The following SPI1 variants were observed in gnomAD, a reference collection of about 807,000 sequenced individuals.
SPI1 encodes Spi-1 proto-oncogene.
SPI1 carries 3 observed loss-of-function variants against 30.7 expected under a neutral mutation model. That is an observed-to-expected ratio of 0.10 (90% CI 0.04 to 0.25). The LOEUF (loss-of-function observed/expected upper bound fraction) is 0.25, where lower values mean the gene tolerates loss of function less well. Among genes scored for constraint, SPI1 ranks in the 10% least tolerant of loss-of-function variants. The pLI is 1.00. For missense variants in SPI1, 261 were observed against 371.5 expected (o/e 0.70, Z 2.45); for synonymous variants, 169 against 157.1 (o/e 1.08, Z -0.56).
chr11:47,376,983 G>A (rs1268521405), intron 1 of SPI1, among the ~76,000 whole-genome samples: 2 of 152,200 alleles, frequency 1.3e-5, no homozygotes, highest in Non-Finnish European at 2.9e-5. Flanking sequence ...GTGGGCCTGT[G>A]GCTTTCTTGA....
In SPI1 at chr11:47,359,200, C is replaced by A. The variant is rs576908238; in HGVS notation, c.331-194G>T. On this transcript the variant is annotated intron_variant, in intron 3 of 4. Transcript: ENST00000378538. This position sits in a 1 kb window ranked among gnomAD's most constrained non-coding sequence, Gnocchi z 5.1. ...TGCACATAGGGTGCAGGCTGTGGGG[C>A]GAGGGGTGCTGACATCCAGCCCACC... Among the ~76,000 whole-genome samples, 1 of 152,004 alleles carries A rather than the reference C, an allele frequency of 6.6e-6. No homozygotes were observed. Among genetic ancestry groups the A allele is most frequent in the African/African-American group, 2.4e-5 (1 of 41,372 alleles).
At chr11:47,358,475 C>T in intron 4 of SPI1, 2 of 648,486 alleles carry the variant, frequency 3.1e-6, no homozygotes, top group Non-Finnish European at 5.7e-6. Flanking sequence ...CTCAGCCACA[C>T]CAGCTCTCAC....
Position 47,359,020 on chromosome 11 carries a change from GA to G in SPI1, c.331-15del. On this transcript the variant is annotated splice_polypyrimidine_tract_variant and intron_variant, in intron 3 of 4. Transcript: ENST00000378538. The surrounding 1 kb of genome is among the most constrained non-coding windows in gnomAD (Gnocchi z 5.1). Reference sequence around the variant, plus strand: ...CAGGTAGGAGACCTGGACGGTGGGGGAAGGAGATCAGAGTCAGGAAGGGCCA... The same window carrying G: ...CAGGTAGGAGACCTGGACGGTGGGGGAGGAGATCAGAGTCAGGAAGGGCCA... 1 of 1,520,050 alleles carries G rather than the reference GA, an allele frequency of 6.6e-7. No individual in the cohort carries two copies. The highest frequency in any genetic ancestry group is 8.8e-7 in the Non-Finnish European group (1 of 1,136,524). The allele number at this position is 1,520,050 out of a possible 1,614,324, so 94.2% of individuals were successfully genotyped here.
intron 2 of SPI1, among the ~76,000 whole-genome samples, chr11:47,360,528 T>C (rs1241855648): frequency 1.3e-5 from 2 of 152,114 alleles, no homozygotes; most frequent in African/African-American, 4.8e-5. Flanking sequence ...TCCTATCCTG[T>C]TAAAACCTCC....
chr11:47,358,502 A>G, intron 4 of SPI1: 1 of 658,102 alleles, frequency 1.5e-6, no homozygotes, highest in Admixed American at 2.1e-5. Context: ...CTTCTCACAC[A>G]CCCACTCACA....
In SPI1 at chr11:47,355,029, G is replaced by A; in HGVS notation, c.*198C>T. Reference sequence around the variant, plus strand: ...GACGCCCAGCTGGCGTCCGGGAGCCGGGGTGGAGTCCTGGAGGGAGGCGAA... The same window carrying A: ...GACGCCCAGCTGGCGTCCGGGAGCCAGGGTGGAGTCCTGGAGGGAGGCGAA... On this transcript the variant is annotated 3_prime_UTR_variant, in exon 5 of 5. Coordinates refer to ENST00000378538, the MANE Select transcript of SPI1 (RefSeq NM_003120.3). The A allele has an allele frequency of 2.7e-6, 1 of 371,000 alleles. No individual in the cohort carries two copies. Among genetic ancestry groups the A allele is most frequent in the Non-Finnish European group, 4.6e-6 (1 of 215,772 alleles). The allele number at this position is 371,000 out of a possible 1,614,324, so 23.0% of individuals were successfully genotyped here.
intron 2 of SPI1, among the ~76,000 whole-genome samples, chr11:47,371,002 C>G (rs1228458997): frequency 6.6e-6 from 1 of 152,066 alleles, no homozygotes; most frequent in Admixed American, 6.6e-5. Context: ...TAAATATTTG[C>G]CAATAAATAA....
intron 2 of SPI1, among the ~76,000 whole-genome samples, chr11:47,361,239 T>G (rs946618967): frequency 6.6e-6 from 1 of 152,212 alleles, no homozygotes; most frequent in Admixed American, 6.5e-5. Context: ...CCTTGTCACA[T>G]GGCCAAGGTG....
chr11:47,356,108 CAG>C (rs755942569), intron 4 of SPI1, among the ~76,000 whole-genome samples: 3 of 151,208 alleles, frequency 2.0e-5, no homozygotes, highest in Admixed American at 6.6e-5. Context: ...ACCCAAACGC[CAG>C]ATTGCACCCA....
chr11:47,359,804 C>T lies in SPI1; in HGVS notation c.330+49G>A, dbSNP rs745783323. 6.9e-6 allele frequency: 11 copies of T among 1,585,082 alleles called. No individual in the cohort carries two copies. Among genetic ancestry groups the T allele is most frequent in the South Asian group, 1.1e-5 (1 of 90,534 alleles). On this transcript the variant is annotated intron_variant, in intron 3 of 4. Transcript: ENST00000378538. This position sits in a 1 kb window ranked among gnomAD's most constrained non-coding sequence, Gnocchi z 5.1. ...CTTCCTGTGAAGCTCCCGGGCCCCA[C>T]CACAGGCCTGGCAGTCTCCTGGGGG...
At chr11:47,361,739 C>T (rs1436151295) in intron 2 of SPI1, among the ~76,000 whole-genome samples, 1 of 152,202 alleles carries the variant, frequency 6.6e-6, no homozygotes, top group Non-Finnish European at 1.5e-5. Flanking sequence ...CTCTCTTTCT[C>T]TCTCACACAA....
intron 2 of SPI1, among the ~76,000 whole-genome samples, chr11:47,361,035 G>A (rs1043554661): frequency 1.3e-5 from 2 of 149,512 alleles, no homozygotes; most frequent in Non-Finnish European, 1.5e-5. Context: ...GCAGGAGAAT[G>A]GTGTGAACCC....
chr11:47,354,896 G>C lies in SPI1; in HGVS notation c.*331C>G, dbSNP rs1002447320. The C allele has an allele frequency of 8.3e-6, 2 of 240,588 alleles. No homozygotes were observed. The highest frequency in any genetic ancestry group is 2.6e-3 in the Middle Eastern group (2 of 784). The allele number at this position is 240,588 out of a possible 1,614,324, so 14.9% of individuals were successfully genotyped here. On this transcript the variant is annotated 3_prime_UTR_variant, in exon 5 of 5. Coordinates refer to ENST00000378538, the MANE Select transcript of SPI1 (RefSeq NM_003120.3). ...TAACTTTACTTGTTTTTTGGGAGGA[G>C]GTTAATGGGTGGGAGGGGTGAGAGG...
rs146979382 is a variant in SPI1 at position 47,374,365 on chromosome 11, G to A, written c.142+1268C>T. On this transcript the variant is annotated intron_variant, in intron 2 of 4. Transcript: ENST00000378538. This position sits in a 1 kb window ranked among gnomAD's most constrained non-coding sequence, Gnocchi z 4.5. The stretch of plus-strand genomic sequence containing the variant: ...GAAAGATTCTAAAAGATGCCTGTGC[G>A]TTCCCAGCTGTGGCCTGGAGGCATA... Among the ~76,000 whole-genome samples the A allele has an allele frequency of 2.0e-5, 3 of 152,168 alleles. No homozygotes were observed. Among genetic ancestry groups the A allele is most frequent in the African/African-American group, 4.8e-5 (2 of 41,420 alleles).
At chr11:47,355,956 C>T (rs544775638) in intron 4 of SPI1, among the ~76,000 whole-genome samples, 3 of 94,144 alleles carry the variant, frequency 3.2e-5, no homozygotes, top group Admixed American at 9.9e-5. Flanking sequence ...AAACACAATG[C>T]AACCACTCAC....
chr11:47,355,647 G>A lies in SPI1; in HGVS notation c.494-101C>T. Reference sequence around the variant, plus strand: ...AGGGGCCCGGGGACGGGGTGGCCGGGAAGGGCAGGGGAACGGCTGCCCCAG... The same window carrying A: ...AGGGGCCCGGGGACGGGGTGGCCGGAAAGGGCAGGGGAACGGCTGCCCCAG... On this transcript the variant is annotated intron_variant, in intron 4 of 4. Transcript: ENST00000378538. 3 of 1,049,642 alleles carry A rather than the reference G, an allele frequency of 2.9e-6. No individual in the cohort carries two copies. In the South Asian group the frequency reaches 5.0e-5, roughly 18 times the overall value. The allele number at this position is 1,049,642 out of a possible 1,614,324, so 65.0% of individuals were successfully genotyped here.
chr11:47,363,626 T>C (rs1015342022), intron 2 of SPI1, among the ~76,000 whole-genome samples: 3 of 152,106 alleles, frequency 2.0e-5, no homozygotes, highest in Non-Finnish European at 2.9e-5. Context: ...ATGCTTGGAT[T>C]ACAGGCATGA....
chr11:47,355,544 T>C lies in SPI1; in HGVS notation c.496A>G (p.Ser166Gly). The C allele has an allele frequency of 6.7e-7, 1 of 1,501,244 alleles. No homozygotes were observed. 93.0% of individuals were successfully genotyped at this position (1,501,244 alleles called of 1,614,324 possible). Residue 166 changes from serine (S) to glycine (G), a missense_variant and splice_region_variant, in exon 5 of 5, where the codon AGC (serine) becomes GGC (glycine). Physicochemically the swap from Ser to Gly is moderately conservative, Grantham distance 56. Coordinates refer to ENST00000378538, the MANE Select transcript of SPI1 (RefSeq NM_003120.3). ...GPGLLPGETGSKKKIRLYQFL... is the reference protein window; with the variant it reads ...GPGLLPGETGGKKKIRLYQFL... ...TGGTACAGGCGGATCTTCTTCTTGC[T>C]GCCTGCGGGGGGGAGGGCCCGGTGG...
At chr11:47,371,560 A>C (rs2095936033) in intron 2 of SPI1, among the ~76,000 whole-genome samples, 1 of 148,836 alleles carries the variant, frequency 6.7e-6, no homozygotes, top group Non-Finnish European at 1.5e-5. Context: ...CCAGCTACTT[A>C]GGAGGCTGAG....
Sources: gnomAD v4.1 joint callset for allele counts (sites outside exome capture counted in the v4.1 genomes callset) on GRCh38, gnomAD v4.1.1 for gene constraint, Gnocchi (gnomAD v3.1) non-coding constraint, MANE v1.5 for transcripts, NCBI Gene and HGNC (gene_info 2026-07-23, HGNC 2026-07-21) for gene names.